SLC71A2: variants seen among roughly 807,000 people sequenced by gnomAD.
The protein encoded by SLC71A2 is hippocampus abundant transcript-like 1.
the SLC71A2 span, among the ~76,000 whole-genome samples, chr9:94,423,477 C>T: frequency 1.3e-5 from 2 of 152,122 alleles, no homozygotes; most frequent in Non-Finnish European, 2.9e-5. Context: ...CAGCCCTTTT[C>T]GCTAGTGGTC....
chr9:94,431,312 CAA>C, the SLC71A2 span, among the ~76,000 whole-genome samples: 44 of 101,258 alleles, frequency 4.3e-4, no homozygotes, highest in Non-Finnish European at 3.7e-4. Flanking sequence ...GACTCCGTCT[CAA>C]AAAAAAAAAA....
chr9:94,382,594 A>G, the SLC71A2 span, among the ~76,000 whole-genome samples: 2 of 151,910 alleles, frequency 1.3e-5, no homozygotes, highest in African/African-American at 4.8e-5. Flanking sequence ...TCTTTTATAG[A>G]TCAGGGTTTT....
chr9:94,439,718 A>G, the SLC71A2 span, among the ~76,000 whole-genome samples: 1 of 151,858 alleles, frequency 6.6e-6, no homozygotes, highest in Non-Finnish European at 1.5e-5. Flanking sequence ...TGCTTTTCCA[A>G]TGAGTTGGGA....
At chr9:94,456,478 C>T in the SLC71A2 span, 1 of 611,758 alleles carries the variant, frequency 1.6e-6, no homozygotes, top group South Asian at 2.0e-5. Context: ...TTTACTTTGG[C>T]AGATAGGAAC....
chr9:94,379,419 A>G, the SLC71A2 span, among the ~76,000 whole-genome samples: 1 of 103,876 alleles, frequency 9.6e-6, no homozygotes, highest in Non-Finnish European at 2.1e-5. Flanking sequence ...GTGAGGCCTC[A>G]CTCTGTCATC....
chr9:94,457,013 C>T, the SLC71A2 span, among the ~76,000 whole-genome samples: 3 of 149,794 alleles, frequency 2.0e-5, no homozygotes, highest in Non-Finnish European at 4.4e-5. Context: ...GTCACCCAGG[C>T]TGGAGTGTAG....
chr9:94,412,274 A>T, the SLC71A2 span, among the ~76,000 whole-genome samples: 1 of 152,160 alleles, frequency 6.6e-6, no homozygotes, highest in Non-Finnish European at 1.5e-5. Context: ...ACATTTTTAG[A>T]AGCTTTTTAT....
the SLC71A2 span, among the ~76,000 whole-genome samples, chr9:94,391,440 T>C: frequency 6.6e-6 from 1 of 150,546 alleles, no homozygotes; most frequent in Non-Finnish European, 1.5e-5. Context: ...TAGAAGCAGA[T>C]TGAATTTTGG....
chr9:94,392,953 A>C, the SLC71A2 span, among the ~76,000 whole-genome samples: 1 of 152,042 alleles, frequency 6.6e-6, no homozygotes, highest in African/African-American at 2.4e-5. Flanking sequence ...AAATTATCTC[A>C]TGAAAAGCTA....
chr9:94,412,495 G>C, the SLC71A2 span, among the ~76,000 whole-genome samples: 1 of 152,232 alleles, frequency 6.6e-6, no homozygotes, highest in Admixed American at 6.5e-5. Flanking sequence ...CAAGGGAACT[G>C]GAAACATGTT....
chr9:94,377,872 T>A, the SLC71A2 span, among the ~76,000 whole-genome samples: 1 of 152,142 alleles, frequency 6.6e-6, no homozygotes, highest in Non-Finnish European at 1.5e-5. Flanking sequence ...TTTGGGAGGC[T>A]GACGTGGGCG....
At chr9:94,413,904 G>A in the SLC71A2 span, among the ~76,000 whole-genome samples, 1 of 152,200 alleles carries the variant, frequency 6.6e-6, no homozygotes, top group Non-Finnish European at 1.5e-5. Flanking sequence ...TGGTTTGTCT[G>A]TGAGGCCTTG....
chr9:94,426,944 TC>T, the SLC71A2 span, among the ~76,000 whole-genome samples: 16 of 152,208 alleles, frequency 1.1e-4, no homozygotes, highest in African/African-American at 3.9e-4. Context: ...AAGGCAATCT[TC>T]CCACTTCAGC....
chr9:94,448,719 G>A, the SLC71A2 span, among the ~76,000 whole-genome samples: 2 of 152,164 alleles, frequency 1.3e-5, no homozygotes, highest in African/African-American at 4.8e-5. Flanking sequence ...TGCAGCCTCT[G>A]TCTCCTGGGT....
At chr9:94,449,645 C>T in the SLC71A2 span, among the ~76,000 whole-genome samples, 1 of 152,178 alleles carries the variant, frequency 6.6e-6, no homozygotes, top group African/African-American at 2.4e-5. Flanking sequence ...GGTACAGCTG[C>T]TGTAAGAAAA....
At chr9:94,441,335 G>A in the SLC71A2 span, among the ~76,000 whole-genome samples, 3 of 152,142 alleles carry the variant, frequency 2.0e-5, no homozygotes, top group African/African-American at 7.2e-5. Flanking sequence ...CATGATGATG[G>A]AAGGCAGAGC....
chr9:94,454,381 T>G, the SLC71A2 span, among the ~76,000 whole-genome samples: 2 of 152,144 alleles, frequency 1.3e-5, no homozygotes, highest in Non-Finnish European at 2.9e-5. Flanking sequence ...TTTTTTTCTT[T>G]CCCTGAGACG....
At chr9:94,409,595 C>T in the SLC71A2 span, among the ~76,000 whole-genome samples, 1 of 152,284 alleles carries the variant, frequency 6.6e-6, no homozygotes, top group Admixed American at 6.5e-5. Context: ...TCTTTTATAA[C>T]CACACATCTA....
the SLC71A2 span, among the ~76,000 whole-genome samples, chr9:94,455,156 CTTTTTTTTTTTT>C: frequency 7.2e-5 from 2 of 27,686 alleles, no homozygotes; most frequent in South Asian, 2.9e-3. Flanking sequence ...TTGCTCTTTC[CTTTTTTTTTTTT>C]TTTTTTTTTT....
Sources: gnomAD v4.1 joint callset for allele counts (sites outside exome capture counted in the v4.1 genomes callset) on GRCh38, gnomAD v4.1.1 for gene constraint, MANE v1.5 for transcripts, NCBI Gene and HGNC (gene_info 2026-07-23, HGNC 2026-07-21) for gene names.